Variants in CDH13 observed in about 807,000 individuals in gnomAD.
CDH13 encodes cadherin 13.
Under a neutral mutation model 63.8 loss-of-function variants are expected in CDH13, and 24 were observed. That is an observed-to-expected ratio of 0.38 (90% CI 0.27 to 0.53). The LOEUF is 0.53. Among genes scored for constraint, CDH13 ranks in the 20% least tolerant of loss-of-function variants. CDH13 has a pLI of 0.85. For missense variants in CDH13, 1,049 were observed against 903.1 expected, an observed-to-expected ratio of 1.16 and a Z score of -2.07; for synonymous variants, 503 against 355.3, an observed-to-expected ratio of 1.42 and a Z score of -4.67.
chr16:83,286,010 C>T (rs754457338), intron 5 of CDH13, among the ~76,000 whole-genome samples: 67 of 152,216 alleles, frequency 4.4e-4, no homozygotes, highest in Non-Finnish European at 8.1e-4. Flanking sequence ...AGCAAAGAGC[C>T]GTTGCCCAAG....
At chr16:83,264,070 C>G (rs1260796810) in intron 5 of CDH13, among the ~76,000 whole-genome samples, 1 of 152,138 alleles carries the variant, frequency 6.6e-6, no homozygotes, top group East Asian at 1.9e-4. Context: ...ATGTGATTTT[C>G]TTAACATACT....
At chr16:82,847,679 A>T (rs575881698) in intron 1 of CDH13, among the ~76,000 whole-genome samples, 1 of 152,298 alleles carries the variant, frequency 6.6e-6, no homozygotes, top group Non-Finnish European at 1.5e-5. Context: ...GAGTAGGGTG[A>T]GGACATCTTT....
chr16:82,660,537 C>T (rs1165427871), intron 1 of CDH13, among the ~76,000 whole-genome samples: 1 of 152,082 alleles, frequency 6.6e-6, no homozygotes, highest in Non-Finnish European at 1.5e-5. Context: ...AGAGCAAGAC[C>T]TGGCAAAACA....
rs1917899405 is a variant in CDH13, at chr16:83,047,416, A to G, written c.366+15198A>G. 6.6e-6 allele frequency among the ~76,000 whole-genome samples: 1 copy of G among 152,202 alleles called. No individual in the cohort carries two copies. The highest frequency in any genetic ancestry group is 2.4e-5 in the African/African-American group (1 of 41,450). Reference sequence around the variant, plus strand: ...CTTATTCGATTTGGCCCTTGTTAACAAAGCCTAGTCTGTAAGAGCGTGACC... The same window carrying G: ...CTTATTCGATTTGGCCCTTGTTAACGAAGCCTAGTCTGTAAGAGCGTGACC... On this transcript the variant is annotated intron_variant, in intron 3 of 13. Coordinates refer to ENST00000567109, the MANE Select transcript of CDH13 (RefSeq NM_001257.5). The surrounding 1 kb of genome is among the most constrained non-coding windows in gnomAD (Gnocchi z 4.9).
At chr16:83,633,530 T>C (rs1910968075) in intron 8 of CDH13, among the ~76,000 whole-genome samples, 1 of 152,220 alleles carries the variant, frequency 6.6e-6, no homozygotes, top group Non-Finnish European at 1.5e-5. Flanking sequence ...TTTGTTTTCA[T>C]GTTGCAGGGA....
At chr16:83,418,666 G>T (rs542066466) in intron 6 of CDH13, among the ~76,000 whole-genome samples, 2 of 151,932 alleles carry the variant, frequency 1.3e-5, no homozygotes, top group African/African-American at 4.8e-5. Context: ...TATGAGCTCT[G>T]CCTGCTGGGA....
intron 2 of CDH13, among the ~76,000 whole-genome samples, chr16:82,892,547 T>C (rs946748056): frequency 1.3e-5 from 2 of 152,194 alleles, no homozygotes; most frequent in Non-Finnish European, 2.9e-5. Flanking sequence ...TCACTAGATG[T>C]GTACTTGGAA....
At chr16:83,394,429 C>T (rs1044061687) in intron 6 of CDH13, among the ~76,000 whole-genome samples, 7 of 152,086 alleles carry the variant, frequency 4.6e-5, no homozygotes, top group African/African-American at 1.2e-4. Flanking sequence ...ACAGAGGCAA[C>T]AGCACATGCA....
intron 3 of CDH13, among the ~76,000 whole-genome samples, chr16:83,122,035 C>T (rs1198171833): frequency 6.6e-6 from 1 of 151,990 alleles, no homozygotes; most frequent in South Asian, 2.1e-4. Flanking sequence ...ATGAAACTAT[C>T]ATTTATCACA....
At chr16:82,839,604 T>C (rs956359011) in intron 1 of CDH13, among the ~76,000 whole-genome samples, 6 of 152,164 alleles carry the variant, frequency 3.9e-5, no homozygotes, top group African/African-American at 1.4e-4. Flanking sequence ...TACCCCCAAC[T>C]TGGATAACGG....
chr16:83,726,251 T>C (rs10153178), intron 10 of CDH13: 42,129 of 152,078 alleles, frequency 0.28, 6,128 homozygotes, highest in African/African-American at 0.37. Context: ...CTCTGTTTTT[T>C]AGATGGGGAA....
chr16:83,075,204 C>G (rs914669694), intron 3 of CDH13, among the ~76,000 whole-genome samples: 7 of 152,190 alleles, frequency 4.6e-5, no homozygotes, highest in African/African-American at 1.7e-4. Flanking sequence ...TGTCCACACC[C>G]TGTCTTACTT....
chr16:83,506,413 C>T (rs529925888), intron 7 of CDH13, among the ~76,000 whole-genome samples: 23 of 152,278 alleles, frequency 1.5e-4, no homozygotes, highest in African/African-American at 4.6e-4. Flanking sequence ...AGATGCAGTG[C>T]CTTCCTTTAT....
At chr16:82,747,196 A>G (rs745857071) in intron 1 of CDH13, among the ~76,000 whole-genome samples, 11 of 152,214 alleles carry the variant, frequency 7.2e-5, no homozygotes, top group Non-Finnish European at 1.2e-4. Flanking sequence ...ATGATGGAGA[A>G]AAAACTGTGG....
intron 6 of CDH13, among the ~76,000 whole-genome samples, chr16:83,365,174 G>T (rs933767289): frequency 3.9e-5 from 6 of 152,230 alleles, no homozygotes; most frequent in African/African-American, 1.4e-4. Flanking sequence ...TCCAGTCTGA[G>T]TCTGAAGTCC....
chr16:83,330,328 C>G (rs927004594), intron 5 of CDH13, among the ~76,000 whole-genome samples: 45 of 152,166 alleles, frequency 3.0e-4, no homozygotes, highest in African/African-American at 1.1e-3. Context: ...GATGTTTCCA[C>G]TGGGGAAACT....
At chr16:83,393,061 C>A (rs576719397) in intron 6 of CDH13, among the ~76,000 whole-genome samples, 1 of 152,142 alleles carries the variant, frequency 6.6e-6, no homozygotes, top group African/African-American at 2.4e-5. Flanking sequence ...AGTTCCCTGC[C>A]AGAATAAATA....
Position 83,695,871 on chromosome 16 carries a change from C to G in CDH13, c.1538+17410C>G, listed in dbSNP as rs972819781. Among the ~76,000 whole-genome samples, 6 of 151,804 alleles carry G rather than the reference C, an allele frequency of 4.0e-5. No individual in the cohort carries two copies. In the South Asian group the frequency reaches 1.3e-3, roughly 32 times the overall value. On this transcript the variant is annotated intron_variant, in intron 10 of 13. Transcript: ENST00000567109. ...GAGTGAAAGAGACGGAATTCAAATC[C>G]AGATATATTTATGCCAAAGAACTTT...
At chr16:83,565,218 C>T (rs2075771948) in intron 7 of CDH13, among the ~76,000 whole-genome samples, 1 of 152,056 alleles carries the variant, frequency 6.6e-6, no homozygotes, top group African/African-American at 2.4e-5. Context: ...TTCTCGGTTT[C>T]TGGCTATAAT....
Sources: gnomAD v4.1 joint callset for allele counts (sites outside exome capture counted in the v4.1 genomes callset) on GRCh38, gnomAD v4.1.1 for gene constraint, Gnocchi (gnomAD v3.1) non-coding constraint, MANE v1.5 for transcripts, NCBI Gene and HGNC (gene_info 2026-07-23, HGNC 2026-07-21) for gene names.